ATAD1: variants seen among roughly 807,000 people sequenced by gnomAD.
ATAD1 encodes ATPase family AAA domain containing 1.
In ATAD1, 18 loss-of-function variants were observed where a neutral mutation model predicts 42.7. The ratio of observed to expected loss-of-function variants is 0.42; its 90% CI spans 0.29 to 0.63. The LOEUF (loss-of-function observed/expected upper bound fraction) is 0.63. Among genes scored for constraint, ATAD1 ranks in the 20% least tolerant of loss-of-function variants. The pLI, the probability that ATAD1 is intolerant of heterozygous loss-of-function variation, is 0.19. For missense variants in ATAD1, 294 were observed against 440.4 expected (o/e 0.67, Z 2.98); for synonymous variants, 132 against 143.1 (o/e 0.92, Z 0.55).
Position 87,754,800 on chromosome 10 carries a change from C to T in ATAD1, c.973G>A (p.Glu325Lys), listed in dbSNP as rs545576634. Residue 325 changes from glutamate to lysine, a missense_variant, in exon 10 of 10, where the codon GAA becomes AAA. By Grantham distance (56) the Glu-to-Lys change is moderately conservative. Coordinates refer to ENST00000680024, the MANE Select transcript of ATAD1 (RefSeq NM_001321967.2). ...VNSTSEESHD[E>K]DEIRPVQQQD... The stretch of plus-strand genomic sequence containing the variant: ...TGTTGAACAGGCCGAATTTCATCTT[C>T]GTCATGGCTAAAATGCAAACAAAAC... 9 of 1,612,268 alleles carry T rather than the reference C, an allele frequency of 5.6e-6. No homozygotes were observed. Among genetic ancestry groups the T allele is most frequent in the African/African-American group, 2.7e-5 (2 of 75,008 alleles).
chr10:87,776,209 G>A (rs1250341362), intron 6 of ATAD1, 112 bp downstream of exon 6: 2 of 745,838 alleles, frequency 2.7e-6, no homozygotes, highest in African/African-American at 3.5e-5. Flanking sequence ...AGTCATAAGT[G>A]TAAATAATTA....
chr10:87,784,697 CTTTA>C, intron 4 of ATAD1, 27 bp from the exon 5 acceptor site: 1 of 1,590,036 alleles, frequency 6.3e-7, no homozygotes, highest in Non-Finnish European at 8.6e-7. Context: ...TATTTATTAC[CTTTA>C]AGGGGATATT....
chr10:87,788,084 T>C (rs1036731691), intron 4 of ATAD1, among the ~76,000 whole-genome samples: 4 of 152,362 alleles, frequency 2.6e-5, no homozygotes, highest in South Asian at 2.1e-4. Flanking sequence ...CAATATCTTA[T>C]GTGTGCCCCC....
chr10:87,815,308 T>G (rs933749653), intron 1 of ATAD1, among the ~76,000 whole-genome samples: 1 of 152,042 alleles, frequency 6.6e-6, no homozygotes, highest in African/African-American at 2.4e-5. Flanking sequence ...TGTGCCTATT[T>G]TTGCATATAT....
rs941587882 is a variant in ATAD1, at chr10:87,809,743, G to A, written c.162+4695C>T. ...GCAATCTCGGCTCATTGTAACCCCCGCCTCCTGGATTCAAGCGATTCTCCT... is the reference window on the plus strand; with the variant it reads ...GCAATCTCGGCTCATTGTAACCCCCACCTCCTGGATTCAAGCGATTCTCCT... On this transcript the variant is annotated intron_variant, in intron 2 of 9. Transcript: ENST00000680024. Among the ~76,000 whole-genome samples, 32 of 151,594 alleles carry A rather than the reference G, an allele frequency of 2.1e-4. 1 individual carries two copies. The highest frequency in any genetic ancestry group is 6.8e-4 in the African/African-American group (28 of 41,210).
At chr10:87,758,797 CATGT>C (rs1800260662) in intron 8 of ATAD1, among the ~76,000 whole-genome samples, 1 of 152,024 alleles carries the variant, frequency 6.6e-6, no homozygotes, top group Non-Finnish European at 1.5e-5. Context: ...TGTAGACATA[CATGT>C]AACATGGCCT....
chr10:87,818,120 G>A, intron 1 of ATAD1, 47 bp downstream of exon 1: 2 of 985,580 alleles, frequency 2.0e-6, no homozygotes, highest in Non-Finnish European at 2.4e-6. Context: ...GACCTCAGAA[G>A]GATACGACAA....
chr10:87,823,245 A>G (rs1197209803), intron 1 of ATAD1, among the ~76,000 whole-genome samples: 1 of 152,198 alleles, frequency 6.6e-6, no homozygotes, highest in Non-Finnish European at 1.5e-5. Flanking sequence ...GGGTAATACT[A>G]ATCCACAATC....
At chr10:87,757,063 A>G in intron 8 of ATAD1, 141 bp from the exon 9 acceptor site, 1 of 623,196 alleles carries the variant, frequency 1.6e-6, no homozygotes, top group South Asian at 4.9e-5. Context: ...GCTTTTTTTA[A>G]CCACAAAAGC....
chr10:87,796,688 G>A (rs1324611039), intron 2 of ATAD1, among the ~76,000 whole-genome samples: 1 of 152,160 alleles, frequency 6.6e-6, no homozygotes, highest in African/African-American at 2.4e-5. Flanking sequence ...CAGATATGTG[G>A]GGTTCACATT....
chr10:87,836,152 G>T (rs939148092), intron 1 of ATAD1, among the ~76,000 whole-genome samples: 3 of 151,978 alleles, frequency 2.0e-5, no homozygotes, highest in Middle Eastern at 3.4e-3. Flanking sequence ...TGGAGTCGGG[G>T]TCTTGCTCTG....
chr10:87,769,623 G>C (rs558983597), intron 7 of ATAD1, among the ~76,000 whole-genome samples: 1 of 152,296 alleles, frequency 6.6e-6, no homozygotes, highest in South Asian at 2.1e-4. Flanking sequence ...GATCCTAGCA[G>C]GTCTGTGACA....
intron 2 of ATAD1, among the ~76,000 whole-genome samples, chr10:87,793,285 T>C (rs1011288616): frequency 1.3e-5 from 2 of 152,178 alleles, no homozygotes; most frequent in African/African-American, 4.8e-5. Context: ...CCCTTTTAGG[T>C]AGAAGACAAT....
intron 1 of ATAD1, among the ~76,000 whole-genome samples, chr10:87,831,236 C>T (rs542118061): frequency 1.3e-5 from 2 of 152,186 alleles, no homozygotes; most frequent in South Asian, 4.1e-4. Flanking sequence ...ACCAAGTGGT[C>T]ATTGAACTTA....
At chr10:87,797,516 C>T (rs1034166259) in intron 2 of ATAD1, among the ~76,000 whole-genome samples, 1 of 152,116 alleles carries the variant, frequency 6.6e-6, no homozygotes, top group Non-Finnish European at 1.5e-5. Context: ...AACAAAGACA[C>T]CACTCACCCC....
intron 1 of ATAD1, among the ~76,000 whole-genome samples, chr10:87,823,369 T>C (rs190077568): frequency 4.5e-4 from 68 of 152,292 alleles, no homozygotes; most frequent in African/African-American, 1.5e-3. Context: ...ATATTTTATT[T>C]AGCTTTAATA....
intron 6 of ATAD1, among the ~76,000 whole-genome samples, chr10:87,774,981 GA>G (rs1855224564): frequency 1.3e-5 from 2 of 151,934 alleles, no homozygotes; most frequent in Non-Finnish European, 2.9e-5. Flanking sequence ...ACATGAAATA[GA>G]AATAAGGTCC....
At chr10:87,806,012 T>G (rs1856905798) in intron 2 of ATAD1, among the ~76,000 whole-genome samples, 1 of 152,142 alleles carries the variant, frequency 6.6e-6, no homozygotes, top group South Asian at 2.1e-4. Flanking sequence ...TTTATGCAAG[T>G]GATTCCCCAG....
chr10:87,764,511 T>G (rs1386579633), intron 8 of ATAD1, among the ~76,000 whole-genome samples: 1 of 152,112 alleles, frequency 6.6e-6, no homozygotes, highest in Admixed American at 6.6e-5. Context: ...GGTATCCATC[T>G]AGAAAAACAA....
Sources: gnomAD v4.1 joint callset for allele counts (sites outside exome capture counted in the v4.1 genomes callset) on GRCh38, gnomAD v4.1.1 for gene constraint, MANE v1.5 for transcripts, NCBI Gene and HGNC (gene_info 2026-07-23, HGNC 2026-07-21) for gene names.